The following KHDRBS1 variants were observed in gnomAD, a reference collection of about 807,000 sequenced individuals.
KHDRBS1 encodes the protein KH RNA binding domain containing, signal transduction associated 1.
In KHDRBS1, 7 loss-of-function variants were observed where a neutral mutation model predicts 48.4. That is an observed-to-expected ratio of 0.14 (90% CI 0.08 to 0.27). The LOEUF (loss-of-function observed/expected upper bound fraction) is 0.27, where lower values mean the gene tolerates loss of function less well. Ranked by LOEUF, KHDRBS1 falls within the 10% of genes least tolerant of loss-of-function variation. The pLI, the probability that KHDRBS1 is intolerant of heterozygous loss-of-function variation, is 1.00. For missense variants in KHDRBS1, 458 were observed against 601.2 expected (o/e 0.76, Z 2.49); for synonymous variants, 241 against 235.8 (o/e 1.02, Z -0.20).
intron 10 of KHDRBS1, among the ~76,000 whole-genome samples, chr1:32,049,971 T>A (rs1002019259): frequency 6.6e-6 from 1 of 152,188 alleles, no homozygotes; most frequent in Non-Finnish European, 1.5e-5. Context: ...TGTTTAATTT[T>A]TTTAGGAACT....
intron 8 of KHDRBS1, among the ~76,000 whole-genome samples, chr1:32,041,084 G>A (rs1569810819): frequency 6.6e-6 from 1 of 152,122 alleles, no homozygotes; most frequent in African/African-American, 2.4e-5. Flanking sequence ...AACTGAAAGA[G>A]GCAGGCTTCT....
At chr1:32,056,198 TAGG>T (rs1445671355) in intron 10 of KHDRBS1, among the ~76,000 whole-genome samples, 7 of 151,050 alleles carry the variant, frequency 4.6e-5, no homozygotes, top group Admixed American at 6.7e-5. Context: ...AATGGGCCGA[TAGG>T]AGTTCTCATG....
intron 4 of KHDRBS1, among the ~76,000 whole-genome samples, chr1:32,034,826 A>C (rs1639145431): frequency 6.6e-6 from 1 of 151,692 alleles, no homozygotes; most frequent in Non-Finnish European, 1.5e-5. Context: ...AAATTCAAAA[A>C]AAAAATTAGC....
intron 1 of KHDRBS1, among the ~76,000 whole-genome samples, chr1:32,015,081 A>T (rs1330018655): frequency 6.6e-6 from 1 of 152,216 alleles, no homozygotes; most frequent in African/African-American, 2.4e-5. Context: ...GTGAAATGGG[A>T]CGATAGGGAC....
chr1:32,036,163 A>ATTTTTTTTTTTTTTTTTT (rs397742842), intron 4 of KHDRBS1, among the ~76,000 whole-genome samples: 3 of 60,470 alleles, frequency 5.0e-5, no homozygotes, highest in African/African-American at 2.2e-4. Flanking sequence ...CATTTTGAAG[A>ATTTTTTTTTTTTTTTTTT]TTTTTTTTTT....
chr1:32,030,335 T>A lies in KHDRBS1; in HGVS notation c.420T>A (p.Asp140Glu). The A allele has an allele frequency of 6.2e-7, 1 of 1,611,272 alleles. No individual in the cohort carries two copies. Among genetic ancestry groups the A allele is most frequent in the Non-Finnish European group, 8.5e-7 (1 of 1,178,306 alleles). The change falls in exon 2 of 9, where the codon GAT (aspartate) becomes GAA (glutamate). Residue 140 changes from aspartate (D) to glutamate (E), a missense_variant. Asp to Glu is a conservative substitution (Grantham distance 45, BLOSUM62 2). This residue lies in a region of KHDRBS1 where 213 missense variants were observed against 215.6 expected (regional missense o/e 0.99). Coordinates refer to ENST00000327300, the MANE Select transcript of KHDRBS1 (RefSeq NM_006559.3). ...TTCAGAAAGGAGACTCAAAAAAGGATGATGAGGAGAATTACTTGGATTTAT... is the reference window on the plus strand; with the variant it reads ...TTCAGAAAGGAGACTCAAAAAAGGAAGATGAGGAGAATTACTTGGATTTAT... ...EKIQKGDSKK[D>E]DEENYLDLFS... is the part of the protein sequence containing the mutation.
In KHDRBS1 at chr1:32,028,500, C is replaced by CTT. The variant is rs1235962364; in HGVS notation, c.383-1779_383-1778dup. Among the ~76,000 whole-genome samples the CTT allele has an allele frequency of 8.5e-4, 105 of 123,344 alleles. 2 individuals are homozygous for CTT. The highest frequency in any genetic ancestry group is 8.4e-3 in the Middle Eastern group (2 of 238). The allele number at this position is 123,344 out of a possible 152,430, so 80.9% of individuals were successfully genotyped here. A position where few individuals can be genotyped will look rare whatever the true frequency, so the allele number is the denominator to read the frequency against. ...CACGTATATATATATACTATATATA[C>CTT]TTTTTTTTTTTTTTTTTTTTGAGAC... On this transcript the variant is annotated intron_variant, in intron 1 of 8. Transcript: ENST00000327300.
intron 10 of KHDRBS1, among the ~76,000 whole-genome samples, chr1:32,055,009 T>G (rs1222906673): frequency 6.6e-6 from 1 of 152,190 alleles, no homozygotes; most frequent in African/African-American, 2.4e-5. Flanking sequence ...GAGTTTAGAC[T>G]GAAGTCTTTA....
intron 1 of KHDRBS1, among the ~76,000 whole-genome samples, chr1:32,029,082 A>T (rs1639032061): frequency 6.6e-6 from 1 of 152,098 alleles, no homozygotes. Flanking sequence ...CCCTCCCTTC[A>T]TCTGCCTCTC....
intron 4 of KHDRBS1, 90 bp from the exon 5 acceptor site, chr1:32,036,817 CTCT>C (rs1045622251): frequency 2.1e-5 from 29 of 1,373,808 alleles, no homozygotes; most frequent in African/African-American, 5.8e-5. Context: ...CTCTCAAGAG[CTCT>C]TCTTAGAATT....
At chr1:32,028,122 ATAATAAT>A (rs1639010583) in intron 1 of KHDRBS1, among the ~76,000 whole-genome samples, 1 of 152,218 alleles carries the variant, frequency 6.6e-6, no homozygotes, top group Non-Finnish European at 1.5e-5. Context: ...GTCTCAAAAA[ATAATAAT>A]TAATAAATAA....
chr1:32,058,116 C>CAAAA (rs201930047), intron 10 of KHDRBS1, among the ~76,000 whole-genome samples: 3 of 132,500 alleles, frequency 2.3e-5, no homozygotes, highest in African/African-American at 8.3e-5. Context: ...GAAACTGTCT[C>CAAAA]AAAAAAAAAA....
intron 10 of KHDRBS1, among the ~76,000 whole-genome samples, chr1:32,048,933 C>A (rs1639385633): frequency 1.3e-5 from 2 of 151,882 alleles, no homozygotes. Context: ...GGTTTAGCCT[C>A]CAGAAGGCTA....
chr1:32,033,389 C>G, intron 4 of KHDRBS1, 55 bp downstream of exon 4: 1 of 1,603,888 alleles, frequency 6.2e-7, no homozygotes, highest in Non-Finnish European at 8.5e-7. Context: ...GGATCTTATA[C>G]TGTTGTGAAG....
chr1:32,019,227 A>G (rs1039888451), intron 1 of KHDRBS1, among the ~76,000 whole-genome samples: 12 of 152,318 alleles, frequency 7.9e-5, no homozygotes, highest in South Asian at 6.2e-4. Context: ...TTGTTTCACC[A>G]TTCATTGGAT....
rs193279355 is a variant in KHDRBS1, at chr1:32,037,601, A to C, written c.906-234A>C. On this transcript the variant is annotated intron_variant, in intron 5 of 8. Coordinates refer to ENST00000327300, the MANE Select transcript of KHDRBS1 (RefSeq NM_006559.3). ...TACCTTTTGTGACTGACCTTTATAGAGTATTCAGACTCTCCAGACCTACCC... is the reference window on the plus strand; with the variant it reads ...TACCTTTTGTGACTGACCTTTATAGCGTATTCAGACTCTCCAGACCTACCC... 3.3e-5 allele frequency among the ~76,000 whole-genome samples: 5 copies of C among 152,304 alleles called. No homozygotes were observed. The East Asian group carries it at 9.6e-4, about 29-fold the overall frequency.
At chr1:32,033,011 T>C (rs889975187) in intron 3 of KHDRBS1, among the ~76,000 whole-genome samples, 177 bp from the exon 4 acceptor site, 3 of 152,180 alleles carry the variant, frequency 2.0e-5, no homozygotes, top group Admixed American at 6.5e-5. Flanking sequence ...TCTTAAACTT[T>C]ACTGTTTTTC....
At chr1:32,021,917 C>T (rs1379798870) in intron 1 of KHDRBS1, among the ~76,000 whole-genome samples, 1 of 151,196 alleles carries the variant, frequency 6.6e-6, no homozygotes, top group East Asian at 1.9e-4. Context: ...TCCCAAAGTG[C>T]TGGGATTATA....
Position 32,014,160 on chromosome 1 carries a change from C to T in KHDRBS1, c.165C>T (p.Ala55=). 1.5e-6 allele frequency: 2 copies of T among 1,300,358 alleles called. No homozygotes were observed. Among genetic ancestry groups the T allele is most frequent in the Non-Finnish European group, 2.0e-6 (2 of 1,024,568 alleles). The allele number at this position is 1,300,358 out of a possible 1,614,324, so 80.6% of individuals were successfully genotyped here. ...GCGGAGGGGGATCCCGCGGGGGCGC[C>T]CGGGCCTCGCCCGCCACGCAGCCGC... ...RGGGGGSRGG[A]RASPATQPPP... The change falls in exon 1 of 9, where the codon GCC becomes GCT. Residue 55 remains alanine, a synonymous_variant. Transcript: ENST00000327300.
Sources: gnomAD v4.1 joint callset for allele counts (sites outside exome capture counted in the v4.1 genomes callset) on GRCh38, gnomAD v4.1.1 for gene constraint, gnomAD v4.1.1 regional missense constraint, MANE v1.5 for transcripts, NCBI Gene and HGNC (gene_info 2026-07-23, HGNC 2026-07-21) for gene names.